The following ZNF384 variants were observed in gnomAD, a reference collection of about 807,000 sequenced individuals.
ZNF384 encodes CAG repeat protein 1.
In ZNF384, 20 loss-of-function variants were observed where a neutral mutation model predicts 65.0. The observed-to-expected ratio is 0.31, with a 90% CI of 0.22 to 0.45. ZNF384 has a LOEUF of 0.45. Ranked by LOEUF, ZNF384 falls within the 20% of genes least tolerant of loss-of-function variation. ZNF384 has a pLI of 1.00. For synonymous variants in ZNF384, 310 were observed against 303.9 expected (o/e 1.02, Z -0.21); for missense variants, 549 against 769.4 (o/e 0.71, Z 3.39).
In ZNF384 at chr12:6,689,354, C is replaced by T. The variant is rs993220647; in HGVS notation, c.-322G>A. On this transcript the variant is annotated 5_prime_UTR_variant, in exon 1 of 12. Transcript: ENST00000683879. ...GGTGGCCCCCCCTCCTTGCTGCCCT[C>T]CCCTTGCACTCACCCGGAAGTGGTG... The T allele has an allele frequency of 6.6e-6, 1 of 152,610 alleles. No individual in the cohort carries two copies. Among genetic ancestry groups the T allele is most frequent in the Non-Finnish European group, 1.5e-5 (1 of 68,326 alleles). 9.5% of individuals were successfully genotyped at this position (152,610 alleles called of 1,614,324 possible). A position where few individuals can be genotyped will look rare whatever the true frequency, so the allele number is the denominator to read the frequency against.
chr12:6,682,976 T>C (rs764055373), intron 2 of ZNF384, among the ~76,000 whole-genome samples: 23 of 152,208 alleles, frequency 1.5e-4, no homozygotes, highest in Non-Finnish European at 4.4e-5. Context: ...TGGTGATAAA[T>C]GGTGGGAATT....
At chr12:6,668,383 A>G (rs1758015957) in intron 11 of ZNF384, among the ~76,000 whole-genome samples, 1 of 152,162 alleles carries the variant, frequency 6.6e-6, no homozygotes, top group Non-Finnish European at 1.5e-5. Flanking sequence ...AAACAACTTT[A>G]CAACCTTTTC....
chr12:6,683,661 CAAAAAA>C (rs550687196), intron 2 of ZNF384, among the ~76,000 whole-genome samples: 1 of 66,658 alleles, frequency 1.5e-5, no homozygotes, highest in African/African-American at 4.1e-5. Flanking sequence ...GACCCTGTCT[CAAAAAA>C]AAAAAAAAAA....
chr12:6,682,362 AAAC>A (rs1425848371), intron 2 of ZNF384, among the ~76,000 whole-genome samples: 2 of 145,778 alleles, frequency 1.4e-5, no homozygotes, highest in African/African-American at 2.7e-5. Flanking sequence ...AAACAAAACA[AAAC>A]AAAACAAAAC....
Position 6,677,151 on chromosome 12 carries a change from G to C in ZNF384, c.779+16C>G, listed in dbSNP as rs766544696. ...AGATGAGGAAACTGAGGCCCAGAGAGGGGAAAAGGACTTGCCCAGGGTCAC... is the reference window on the plus strand; with the variant it reads ...AGATGAGGAAACTGAGGCCCAGAGACGGGAAAAGGACTTGCCCAGGGTCAC... On this transcript the variant is annotated intron_variant, in intron 7 of 11. Coordinates refer to ENST00000683879, the MANE Select transcript of ZNF384 (RefSeq NM_001385745.1). 1.3e-6 allele frequency: 1 copy of C among 744,040 alleles called. No homozygotes were observed. The allele number at this position is 744,040 out of a possible 1,614,324, so 46.1% of individuals were successfully genotyped here.
chr12:6,678,985 T>C lies in ZNF384; in HGVS notation c.265A>G (p.Thr89Ala), dbSNP rs769471738. Residue 89 changes from threonine to alanine, a missense_variant, in exon 4 of 12, where the codon ACG becomes GCG. By Grantham distance (58) the Thr-to-Ala change is moderately conservative. Coordinates refer to ENST00000683879, the MANE Select transcript of ZNF384 (RefSeq NM_001385745.1). This position sits in a 1 kb window ranked among gnomAD's most constrained non-coding sequence, Gnocchi z 4.9. ...HSQASVTQNI[T>A]VVPVPSTGLM... ...CCTGTAGACGGCACAGGGACCACCG[T>C]GATATTCTGGGTAACGGACGCTTGG... The C allele has an allele frequency of 6.2e-6, 10 of 1,612,586 alleles. No individual in the cohort carries two copies. Among genetic ancestry groups the C allele is most frequent in the Non-Finnish European group, 8.5e-6 (10 of 1,179,248 alleles).
chr12:6,679,265 C>T (rs1954953644), intron 3 of ZNF384, 82 bp from the exon 4 acceptor site: 1 of 1,359,466 alleles, frequency 7.4e-7, no homozygotes, highest in Non-Finnish European at 1.0e-6. Flanking sequence ...ACTTCAGTGT[C>T]TGTCCTCCTT....
At position 6,672,201 on chromosome 12, in the gene ZNF384, G is replaced by T; in HGVS notation, c.1187+149C>A. On this transcript the variant is annotated intron_variant, in intron 9 of 11. Coordinates refer to ENST00000683879, the MANE Select transcript of ZNF384 (RefSeq NM_001385745.1). This position sits in a 1 kb window ranked among gnomAD's most constrained non-coding sequence, Gnocchi z 4.4. ...TCCACTTGAATCTCCAGTGTTGTTT[G>T]GTCTTCCTTCTCCCAGATGCCAGCC... The T allele has an allele frequency of 1.3e-6, 1 of 784,370 alleles. No homozygotes were observed. The highest frequency in any genetic ancestry group is 2.0e-6 in the Non-Finnish European group (1 of 503,740). The allele number at this position is 784,370 out of a possible 1,614,324, so 48.6% of individuals were successfully genotyped here.
intron 9 of ZNF384, 60 bp from the exon 10 acceptor site, chr12:6,670,898 C>T (rs1951247298): frequency 6.7e-7 from 1 of 1,501,478 alleles, no homozygotes; most frequent in Non-Finnish European, 9.3e-7. Flanking sequence ...GGAACTGGCT[C>T]AACAAATCTT....
chr12:6,669,302 T>A (rs1313008275), intron 10 of ZNF384, 113 bp from the exon 11 acceptor site: 7 of 1,070,224 alleles, frequency 6.5e-6, no homozygotes, highest in Non-Finnish European at 6.7e-6. Context: ...TCTCCCTCTA[T>A]CTGAAGAAAG....
rs986173846 is a variant in ZNF384, at chr12:6,676,708, C to T, written c.779+459G>A. Among the ~76,000 whole-genome samples, 9 of 152,160 alleles carry T rather than the reference C, an allele frequency of 5.9e-5. No individual in the cohort carries two copies. The South Asian group carries it at 8.3e-4, about 14-fold the overall frequency. On this transcript the variant is annotated intron_variant, in intron 7 of 11. Coordinates refer to ENST00000683879, the MANE Select transcript of ZNF384 (RefSeq NM_001385745.1). ...ACACATAAAAATCTAGATTTCTATACGATAACTTAAAAGGGATTTTAATTT... is the reference window on the plus strand; with the variant it reads ...ACACATAAAAATCTAGATTTCTATATGATAACTTAAAAGGGATTTTAATTT...
rs1592393103 is a variant in ZNF384 at position 6,678,389 on chromosome 12, T to C, written c.424A>G (p.Ile142Val). The change falls in exon 6 of 12, where the codon ATT becomes GTT. Residue 142 changes from isoleucine to valine, a missense_variant. Around this residue, in one of 5 missense-constraint regions of ZNF384, gnomAD observed 277 missense variants for 337.2 expected, o/e 0.82. Transcript: ENST00000683879. The surrounding 1 kb of genome is among the most constrained non-coding windows in gnomAD (Gnocchi z 4.9). ...TTASSAQTFP[I>V]SAPMIVSALP... ...GCTGAGACAATCATGGGAGCCGAAA[T>C]GGGGAAGGTCTGAGCTGATGATGCT... 1.9e-6 allele frequency: 3 copies of C among 1,612,622 alleles called. No individual in the cohort carries two copies. Among genetic ancestry groups the C allele is most frequent in the South Asian group, 1.1e-5 (1 of 90,906 alleles).
Position 6,678,556 on chromosome 12 carries a change from A to T in ZNF384, c.353-96T>A. The T allele has an allele frequency of 7.2e-7, 1 of 1,379,408 alleles. No homozygotes were observed. Among genetic ancestry groups the T allele is most frequent in the South Asian group, 1.2e-5 (1 of 81,786 alleles). 85.4% of individuals were successfully genotyped at this position (1,379,408 alleles called of 1,614,324 possible). ...CAGATCATTGTCTAATTAACCCCTC[A>T]CCCCCCCGCCGACCCAACCCAGAGT... is the stretch of plus-strand genomic sequence containing the variant. On this transcript the variant is annotated intron_variant, in intron 5 of 11. Transcript: ENST00000683879. This position sits in a 1 kb window ranked among gnomAD's most constrained non-coding sequence, Gnocchi z 4.9.
At chr12:6,668,970 G>A (rs928622271) in intron 11 of ZNF384, 61 bp downstream of exon 11, 8 of 1,505,142 alleles carry the variant, frequency 5.3e-6, no homozygotes, top group Non-Finnish European at 7.2e-6. Flanking sequence ...CAGAAAATGG[G>A]GTGAAGTGGA....
Position 6,673,125 on chromosome 12 carries a change from A to C in ZNF384, c.1004+91T>G. ...ACCAATGGGCAAAGGTGAAAGGGAA[A>C]GAATAATACATGTGGAGAGAGGAGT... On this transcript the variant is annotated intron_variant, in intron 8 of 11. Transcript: ENST00000683879. The surrounding 1 kb of genome is among the most constrained non-coding windows in gnomAD (Gnocchi z 4.7). 1 of 1,195,292 alleles carries C rather than the reference A, an allele frequency of 8.4e-7. No homozygotes were observed. Among genetic ancestry groups the C allele is most frequent in the Non-Finnish European group, 1.2e-6 (1 of 839,700 alleles). The allele number at this position is 1,195,292 out of a possible 1,614,324, so 74.0% of individuals were successfully genotyped here. A position where few individuals can be genotyped will look rare whatever the true frequency, so the allele number is the denominator to read the frequency against.
At chr12:6,687,443 C>A (rs1350448912) in intron 2 of ZNF384, among the ~76,000 whole-genome samples, 3 of 152,104 alleles carry the variant, frequency 2.0e-5, no homozygotes, top group Admixed American at 2.0e-4. Context: ...GAGATATGTA[C>A]CCAATATTTA....
Position 6,666,786 on chromosome 12 carries a change from T to A in ZNF384, c.*928A>T, listed in dbSNP as rs1949889029. ...AACACAGAAATGGTTACAACAAAGA[T>A]GGCCGTGATGAGTGAGTATAATATA... is the stretch of plus-strand genomic sequence containing the variant. On this transcript the variant is annotated 3_prime_UTR_variant, in exon 12 of 12. Coordinates refer to ENST00000683879, the MANE Select transcript of ZNF384 (RefSeq NM_001385745.1). 1 of 172,090 alleles carries A rather than the reference T, an allele frequency of 5.8e-6. No homozygotes were observed. The highest frequency in any genetic ancestry group is 2.4e-5 in the African/African-American group (1 of 41,836). 10.7% of individuals were successfully genotyped at this position (172,090 alleles called of 1,614,324 possible). A position where few individuals can be genotyped will look rare whatever the true frequency, so the allele number is the denominator to read the frequency against.
chr12:6,678,530 C>T lies in ZNF384; in HGVS notation c.353-70G>A, dbSNP rs1372360689. 6.5e-7 allele frequency: 1 copy of T among 1,538,384 alleles called. No homozygotes were observed. The highest frequency in any genetic ancestry group is 1.4e-5 in the African/African-American group (1 of 73,318). ...TGATCCTAATCCTATTTCATTTCCC[C>T]CAGATCATTGTCTAATTAACCCCTC... On this transcript the variant is annotated intron_variant, in intron 5 of 11. Transcript: ENST00000683879. The surrounding 1 kb of genome is among the most constrained non-coding windows in gnomAD (Gnocchi z 4.9).
At chr12:6,670,707 A>G in intron 10 of ZNF384, 53 bp downstream of exon 10, 1 of 1,533,480 alleles carries the variant, frequency 6.5e-7, no homozygotes, top group Admixed American at 1.7e-5. Context: ...GATACTATTC[A>G]AATGGCCCCA....
Sources: allele counts gnomAD v4.1 joint callset (sites outside exome capture counted in the v4.1 genomes callset), GRCh38; gene constraint gnomAD v4.1.1; regional missense constraint gnomAD v4.1.1; non-coding constraint Gnocchi (gnomAD v3.1); transcripts MANE v1.5; gene names NCBI Gene and HGNC (gene_info 2026-07-23, HGNC 2026-07-21).